Variants in OR9Q1 observed in about 807,000 individuals in gnomAD.
The protein encoded by OR9Q1 is olfactory receptor family 9 subfamily Q member 1, also known as olfactory receptor 9Q1.
For synonymous variants in OR9Q1, 153 were observed against 148.6 expected, an observed-to-expected ratio of 1.03 and a Z score of -0.22; for missense variants, 374 against 378.8, an observed-to-expected ratio of 0.99 and a Z score of 0.11.
chr11:58,122,414 T>C (rs1230889267), intron 2 of OR9Q1, among the ~76,000 whole-genome samples: 1 of 152,206 alleles, frequency 6.6e-6, no homozygotes, highest in African/African-American at 2.4e-5. Flanking sequence ...CTTCAAACGT[T>C]TATTTTCCCT....
intron 2 of OR9Q1, among the ~76,000 whole-genome samples, chr11:58,071,486 A>T (rs142134752): frequency 3.9e-5 from 6 of 152,190 alleles, no homozygotes; most frequent in Non-Finnish European, 5.9e-5. Flanking sequence ...GCATTAAAAA[A>T]AAAATAAAAT....
chr11:58,103,037 G>A (rs1853799517), intron 2 of OR9Q1, among the ~76,000 whole-genome samples: 2 of 151,926 alleles, frequency 1.3e-5, no homozygotes, highest in Non-Finnish European at 2.9e-5. Flanking sequence ...TGAATTCTTT[G>A]CATCTATATT....
At chr11:58,033,959 CTGGTGGTG>C (rs1340300142) in intron 1 of OR9Q1, among the ~76,000 whole-genome samples, 1 of 151,872 alleles carries the variant, frequency 6.6e-6, no homozygotes, top group Non-Finnish European at 1.5e-5. Flanking sequence ...GTGTTCCAGC[CTGGTGGTG>C]GCTCTGTTCA....
intron 2 of OR9Q1, chr11:58,118,049 C>T (rs1216824480): frequency 6.5e-6 from 1 of 154,042 alleles, no homozygotes; most frequent in Non-Finnish European, 1.4e-5. Context: ...ATCAGTCCTT[C>T]ATATTAAAAG....
intron 2 of OR9Q1, among the ~76,000 whole-genome samples, chr11:58,094,231 G>A (rs1853710378): frequency 6.6e-6 from 1 of 152,148 alleles, no homozygotes; most frequent in Non-Finnish European, 1.5e-5. Context: ...ATAAATGGGA[G>A]ATAAATAATG....
chr11:58,137,990 G>T (rs972451006), intron 2 of OR9Q1, among the ~76,000 whole-genome samples: 4 of 152,144 alleles, frequency 2.6e-5, no homozygotes, highest in Admixed American at 2.0e-4. Context: ...GTCTGTTAGT[G>T]CTGTCTTTTT....
intron 2 of OR9Q1, among the ~76,000 whole-genome samples, chr11:58,095,772 G>A (rs1470079931): frequency 6.6e-6 from 1 of 152,090 alleles, no homozygotes; most frequent in East Asian, 1.9e-4. Flanking sequence ...AGATTTGAAT[G>A]GGGACACAAA....
At chr11:58,160,882 G>C (rs1328740483) in intron 2 of OR9Q1, among the ~76,000 whole-genome samples, 1 of 152,078 alleles carries the variant, frequency 6.6e-6, no homozygotes, top group Non-Finnish European at 1.5e-5. Context: ...GCGACTTCAT[G>C]GTCACAAGTA....
At chr11:58,146,672 G>T (rs1436118507) in intron 2 of OR9Q1, among the ~76,000 whole-genome samples, 1 of 152,156 alleles carries the variant, frequency 6.6e-6, no homozygotes, top group Non-Finnish European at 1.5e-5. Context: ...TAGGGTTCCA[G>T]CCTAATTTGG....
intron 2 of OR9Q1, among the ~76,000 whole-genome samples, chr11:58,143,572 G>A (rs986378441): frequency 2.0e-5 from 3 of 152,114 alleles, no homozygotes; most frequent in East Asian, 1.9e-4. Flanking sequence ...GTCAAAAATA[G>A]GATTAACAAT....
At chr11:58,157,894 C>T (rs1395893046) in intron 2 of OR9Q1, among the ~76,000 whole-genome samples, 1 of 152,222 alleles carries the variant, frequency 6.6e-6, no homozygotes, top group East Asian at 1.9e-4. Context: ...GCAGATGAGA[C>T]TTTCTCCCAC....
chr11:58,159,036 C>T (rs2119919123), intron 2 of OR9Q1, among the ~76,000 whole-genome samples: 1 of 152,322 alleles, frequency 6.6e-6, no homozygotes, highest in Non-Finnish European at 1.5e-5. Flanking sequence ...CCCTTTTAAA[C>T]ATCTTACAGT....
chr11:58,024,942 C>CT (rs1027534456), intron 1 of OR9Q1, among the ~76,000 whole-genome samples: 13 of 152,006 alleles, frequency 8.6e-5, no homozygotes, highest in Admixed American at 2.0e-4. Flanking sequence ...GGTGTGGAGG[C>CT]TTTTTTTGTC....
At chr11:58,071,999 C>T (rs901319054) in intron 2 of OR9Q1, among the ~76,000 whole-genome samples, 11 of 152,148 alleles carry the variant, frequency 7.2e-5, no homozygotes, top group African/African-American at 2.7e-4. Context: ...ATCAGTACAA[C>T]AGACCCTTAC....
intron 2 of OR9Q1, among the ~76,000 whole-genome samples, chr11:58,084,087 T>C (rs1439507877): frequency 1.3e-5 from 2 of 151,948 alleles, no homozygotes; most frequent in Non-Finnish European, 2.9e-5. Flanking sequence ...TCCCAATCAA[T>C]GAGCATAGAA....
At chr11:58,067,754 G>C (rs1199206750) in intron 2 of OR9Q1, among the ~76,000 whole-genome samples, 1 of 152,188 alleles carries the variant, frequency 6.6e-6, no homozygotes, top group Non-Finnish European at 1.5e-5. Context: ...GAAGTGTGGA[G>C]AGGTGGGGTG....
At chr11:58,063,280 C>T (rs1480248843) in intron 2 of OR9Q1, among the ~76,000 whole-genome samples, 2 of 151,944 alleles carry the variant, frequency 1.3e-5, no homozygotes. Flanking sequence ...TCATCATCTG[C>T]AAAATGGGAC....
At chr11:58,121,468 A>G (rs1419519547) in intron 2 of OR9Q1, among the ~76,000 whole-genome samples, 1 of 152,108 alleles carries the variant, frequency 6.6e-6, no homozygotes, top group African/African-American at 2.4e-5. Flanking sequence ...AGGTGACATT[A>G]GTTTGTTTGT....
intron 2 of OR9Q1, among the ~76,000 whole-genome samples, chr11:58,067,847 C>T (rs923189033): frequency 6.6e-6 from 1 of 152,190 alleles, no homozygotes; most frequent in Admixed American, 6.5e-5. Flanking sequence ...TATAAGGTGG[C>T]CCTGCAGAAA....
Sources: gnomAD v4.1 joint callset for allele counts (sites outside exome capture counted in the v4.1 genomes callset) on GRCh38, gnomAD v4.1.1 for gene constraint, MANE v1.5 for transcripts, NCBI Gene and HGNC (gene_info 2026-07-23, HGNC 2026-07-21) for gene names.